PDE7B: variants seen among roughly 807,000 people sequenced by gnomAD.
The protein encoded by PDE7B is phosphodiesterase 7B, also known as 3',5'-cyclic-AMP phosphodiesterase 7B.
PDE7B carries 29 observed loss-of-function variants against 56.2 expected under a neutral mutation model. The ratio of observed to expected loss-of-function variants is 0.52; its 90% CI spans 0.38 to 0.70. The LOEUF is 0.70. PDE7B is among the 30% of genes least tolerant of loss of function. The pLI is 0.00. For synonymous variants in PDE7B, 197 were observed against 196.9 expected, an observed-to-expected ratio of 1.00 and a Z score of 0.00; for missense variants, 490 against 565.0, an observed-to-expected ratio of 0.87 and a Z score of 1.35.
intron 2 of PDE7B, among the ~76,000 whole-genome samples, chr6:135,956,421 TG>T (rs1003498083): frequency 6.6e-6 from 1 of 151,610 alleles, no homozygotes; most frequent in Non-Finnish European, 1.5e-5. Context: ...CAGCAGAAGG[TG>T]GGGTGAGGTG....
At chr6:135,948,678 A>C (rs2128199650) in intron 2 of PDE7B, among the ~76,000 whole-genome samples, 1 of 152,134 alleles carries the variant, frequency 6.6e-6, no homozygotes, top group Admixed American at 6.6e-5. Context: ...TTTAATTAAG[A>C]TGGTGGCTAT....
intron 5 of PDE7B, 41 bp from the exon 6 acceptor site, chr6:136,151,119 G>T: frequency 1.0e-6 from 1 of 967,354 alleles, no homozygotes; most frequent in Non-Finnish European, 1.7e-6. Context: ...TATTTTAGTG[G>T]TGATCAAAAT....
At position 136,060,679 on chromosome 6, in the gene PDE7B, A is replaced by G. The variant is rs116437951; in HGVS notation, c.83-48052A>G. Reference sequence around the variant, plus strand: ...AATGGGAAATTGAGGCTCAAGTCACATAAATGACTTGTCCCAGATCACATA... The same window carrying G: ...AATGGGAAATTGAGGCTCAAGTCACGTAAATGACTTGTCCCAGATCACATA... On this transcript the variant is annotated intron_variant, in intron 2 of 12. Coordinates refer to ENST00000308191, the MANE Select transcript of PDE7B (RefSeq NM_018945.4). Among the ~76,000 whole-genome samples the G allele has an allele frequency of 3.1e-3, 471 of 152,332 alleles. 1 individual carries two copies. Among genetic ancestry groups the G allele is most frequent in the African/African-American group, 0.011 (441 of 41,574 alleles).
At chr6:136,153,935 C>T (rs1477891423) in intron 6 of PDE7B, 140 bp from the exon 7 acceptor site, 14 of 591,616 alleles carry the variant, frequency 2.4e-5, no homozygotes, top group South Asian at 2.0e-4. Context: ...TTGCAAACCA[C>T]GTTTATTTTT....
intron 3 of PDE7B, among the ~76,000 whole-genome samples, chr6:136,137,569 A>G (rs985084581): frequency 6.6e-6 from 1 of 152,064 alleles, no homozygotes. Flanking sequence ...GAAACAGTTG[A>G]CATAGACCTA....
At chr6:136,073,942 G>A (rs1250971644) in intron 2 of PDE7B, among the ~76,000 whole-genome samples, 1 of 152,146 alleles carries the variant, frequency 6.6e-6, no homozygotes, top group Non-Finnish European at 1.5e-5. Context: ...AAAAAATTTA[G>A]TTCCCATATT....
chr6:136,067,284 G>T (rs6570062), intron 2 of PDE7B, among the ~76,000 whole-genome samples: 66,820 of 151,928 alleles, frequency 0.44, 15,166 homozygotes, highest in African/African-American at 0.56. Flanking sequence ...CATCTTCAAA[G>T]GAACAATTTA....
chr6:135,978,998 A>C (rs1392026485), intron 2 of PDE7B, among the ~76,000 whole-genome samples: 1 of 151,948 alleles, frequency 6.6e-6, no homozygotes, highest in Non-Finnish European at 1.5e-5. Flanking sequence ...ATTCAGTATG[A>C]TATTGGCTGT....
intron 2 of PDE7B, among the ~76,000 whole-genome samples, chr6:136,019,859 T>C (rs571427649): frequency 1.3e-5 from 2 of 152,326 alleles, no homozygotes; most frequent in African/African-American, 2.4e-5. Context: ...TGGATCATCA[T>C]AAAGGTTTTC....
chr6:135,990,147 G>C (rs1019860561), intron 2 of PDE7B, among the ~76,000 whole-genome samples: 8 of 150,426 alleles, frequency 5.3e-5, no homozygotes, highest in Non-Finnish European at 1.2e-4. Context: ...CCAGGCTGGA[G>C]TGCAATGGCA....
chr6:135,928,448 TTTATTTATATATA>T (rs1562442800), intron 1 of PDE7B, among the ~76,000 whole-genome samples: 2 of 113,630 alleles, frequency 1.8e-5, no homozygotes, highest in African/African-American at 6.9e-5. Flanking sequence ...TATATATATA[TTTATTTATATATA>T]TATTTATTTA....
intron 2 of PDE7B, among the ~76,000 whole-genome samples, chr6:135,985,942 G>A (rs552301395): frequency 1.3e-4 from 20 of 152,064 alleles, no homozygotes; most frequent in Non-Finnish European, 2.2e-4. Context: ...GGCACCGGGC[G>A]ATGCTCTCCA....
intron 1 of PDE7B, among the ~76,000 whole-genome samples, chr6:135,922,330 C>T (rs1449742687): frequency 2.6e-5 from 4 of 152,170 alleles, no homozygotes; most frequent in Non-Finnish European, 5.9e-5. Context: ...TAGTGAAACT[C>T]TGTAGTTTTC....
chr6:136,180,347 G>C (rs983373958), intron 10 of PDE7B, among the ~76,000 whole-genome samples: 2 of 152,186 alleles, frequency 1.3e-5, no homozygotes, highest in African/African-American at 2.4e-5. Flanking sequence ...CTTGCATTTC[G>C]AAAGAAAGCC....
intron 2 of PDE7B, among the ~76,000 whole-genome samples, chr6:136,024,073 A>T (rs1012392108): frequency 6.6e-6 from 1 of 151,630 alleles, no homozygotes. Flanking sequence ...GATGACATTT[A>T]AAAAAAAACC....
chr6:136,022,857 C>T (rs1776094414), intron 2 of PDE7B, among the ~76,000 whole-genome samples: 1 of 152,138 alleles, frequency 6.6e-6, no homozygotes, highest in African/African-American at 2.4e-5. Context: ...CCTTCTGGAT[C>T]AGATTCACTT....
chr6:136,175,171 AT>A (rs1236892364), intron 9 of PDE7B, among the ~76,000 whole-genome samples: 1 of 152,184 alleles, frequency 6.6e-6, no homozygotes, highest in Non-Finnish European at 1.5e-5. Context: ...TGAAAAATAT[AT>A]TTTTATGTGT....
chr6:136,156,472 C>T (rs530715241), intron 8 of PDE7B, among the ~76,000 whole-genome samples: 1 of 152,218 alleles, frequency 6.6e-6, no homozygotes, highest in South Asian at 2.1e-4. Flanking sequence ...CTGGCATGAG[C>T]CACCTGGGAC....
At chr6:136,043,440 G>A (rs1776445256) in intron 2 of PDE7B, among the ~76,000 whole-genome samples, 1 of 151,870 alleles carries the variant, frequency 6.6e-6, no homozygotes. Flanking sequence ...TTTAAATTCT[G>A]CATCTCCATT....
Sources: allele counts gnomAD v4.1 joint callset (sites outside exome capture counted in the v4.1 genomes callset), GRCh38; gene constraint gnomAD v4.1.1; transcripts MANE v1.5; gene names NCBI Gene and HGNC (gene_info 2026-07-23, HGNC 2026-07-21).